Variants in MAP4K3 observed in about 807,000 individuals in gnomAD.
MAP4K3 encodes MAPK/ERK kinase kinase kinase 3.
In MAP4K3, 94 loss-of-function variants were observed where a neutral mutation model predicts 143.5. The ratio of observed to expected loss-of-function variants is 0.65; its 90% confidence interval spans 0.55 to 0.78. The LOEUF (loss-of-function observed/expected upper bound fraction) is 0.78. MAP4K3 is among the 30% of genes least tolerant of loss of function. The pLI, the probability that MAP4K3 is intolerant of heterozygous loss-of-function variation, is 0.00. For missense variants in MAP4K3, 1,077 were observed against 1,068.1 expected, an observed-to-expected ratio of 1.01 and a Z score of -0.12; for synonymous variants, 416 against 347.2, an observed-to-expected ratio of 1.20 and a Z score of -2.20.
chr2:39,323,691 T>C (rs990476819), intron 12 of MAP4K3: 2 of 152,004 alleles, frequency 1.3e-5, no homozygotes, highest in African/African-American at 4.8e-5. Context: ...TGCCAAGGCA[T>C]AGAAAAGATA....
In MAP4K3 at chr2:39,378,130, G is replaced by T; in HGVS notation, c.97-7C>A. 1 of 1,548,702 alleles carries T rather than the reference G, an allele frequency of 6.5e-7. No individual in the cohort carries two copies. The highest frequency in any genetic ancestry group is 1.2e-5 in the South Asian group (1 of 83,814). On this transcript the variant is annotated splice_region_variant and splice_polypyrimidine_tract_variant and intron_variant, in intron 1 of 33. Transcript: ENST00000263881. ...CAGTGTTAACATTCCGTGCCTAAAA[G>T]AAAGAGGAAAAAAGGATTATTGTGA...
At chr2:39,384,264 A>AGCCGGGCGTCGTGGCTCAT (rs1223185849) in intron 1 of MAP4K3, among the ~76,000 whole-genome samples, 3 of 151,986 alleles carry the variant, frequency 2.0e-5, no homozygotes, top group Non-Finnish European at 4.4e-5. Context: ...TGGTGGCTCA[A>AGCCGGGCGTCGTGGCTCAT]GCCGGGCGTC....
chr2:39,334,961 A>C (rs1683815021), intron 6 of MAP4K3, among the ~76,000 whole-genome samples: 1 of 152,188 alleles, frequency 6.6e-6, no homozygotes, highest in Admixed American at 6.6e-5. Context: ...ATCTGGGTGA[A>C]GTAAGGGTAC....
chr2:39,420,632 C>T (rs1292924461), intron 1 of MAP4K3, among the ~76,000 whole-genome samples: 1 of 151,402 alleles, frequency 6.6e-6, no homozygotes, highest in Middle Eastern at 3.2e-3. Flanking sequence ...AGGCTGGTCT[C>T]GAACTCCTGG....
At chr2:39,400,419 T>C (rs1226359468) in intron 1 of MAP4K3, among the ~76,000 whole-genome samples, 1 of 152,206 alleles carries the variant, frequency 6.6e-6, no homozygotes, top group Non-Finnish European at 1.5e-5. Context: ...AATTAACAAA[T>C]AATATTTATG....
chr2:39,307,967 T>C lies in MAP4K3; in HGVS notation c.1095A>G (p.Ile365Met), dbSNP rs1339278574. 5 of 1,593,528 alleles carry C rather than the reference T, an allele frequency of 3.1e-6. No homozygotes were observed. The highest frequency in any genetic ancestry group is 2.7e-5 in the African/African-American group (2 of 73,784). Residue 365 changes from isoleucine to methionine, a missense_variant, in exon 15 of 34, where the codon ATA becomes ATG. Coordinates refer to ENST00000263881, the MANE Select transcript of MAP4K3 (RefSeq NM_003618.4). ...CCAGATTAGATCTTGCAGTGTAGTA[T>C]ATTTCTTCTGAACTGTCCAAAAAAC... is the stretch of plus-strand genomic sequence containing the variant. ...SDGFLDSSEEIYYTARSNLDL... is the reference protein window; with the variant it reads ...SDGFLDSSEEMYYTARSNLDL...
chr2:39,288,207 G>T lies in MAP4K3; in HGVS notation c.1388C>A (p.Pro463His). ...DENQGTIKRCPMSGSPAKPSQ... is the reference protein window; with the variant it reads ...DENQGTIKRCHMSGSPAKPSQ... Reference sequence around the variant, plus strand: ...TGGCTTTGCTGGGCTCCCTGACATGGGACATCTCTTGATTGTTCCTTGATT... The same window carrying T: ...TGGCTTTGCTGGGCTCCCTGACATGTGACATCTCTTGATTGTTCCTTGATT... Residue 463 changes from proline to histidine, a missense_variant, in exon 20 of 34, where the codon CCC (proline) becomes CAC (histidine). Pro to His is a moderately conservative substitution (Grantham distance 77). This residue lies in a region of MAP4K3 where 864 missense variants were observed against 801.2 expected (regional missense o/e 1.08). Transcript: ENST00000263881. The T allele has an allele frequency of 6.2e-7, 1 of 1,613,954 alleles. No individual in the cohort carries two copies. The highest frequency in any genetic ancestry group is 8.5e-7 in the Non-Finnish European group (1 of 1,179,966).
intron 1 of MAP4K3, among the ~76,000 whole-genome samples, chr2:39,379,991 G>A (rs963707158): frequency 6.6e-6 from 1 of 152,006 alleles, no homozygotes; most frequent in African/African-American, 2.4e-5. Context: ...ACTAACTACT[G>A]ATGAGTGGTT....
chr2:39,305,346 A>G (rs1441790277), intron 15 of MAP4K3, among the ~76,000 whole-genome samples: 2 of 152,232 alleles, frequency 1.3e-5, no homozygotes, highest in African/African-American at 4.8e-5. Flanking sequence ...GAGGCAACAC[A>G]GTACAGTGGT....
intron 25 of MAP4K3, 25 bp downstream of exon 25, chr2:39,272,457 G>A: frequency 1.2e-6 from 2 of 1,601,024 alleles, no homozygotes; most frequent in Non-Finnish European, 1.7e-6. Flanking sequence ...ACAATTGTAA[G>A]GTATTTAAAA....
At position 39,337,533 on chromosome 2, in the gene MAP4K3, G is replaced by A; in HGVS notation, c.359C>T (p.Thr120Ile). 1.2e-6 allele frequency: 2 copies of A among 1,610,518 alleles called. No homozygotes were observed. Among genetic ancestry groups the A allele is most frequent in the Non-Finnish European group, 1.7e-6 (2 of 1,177,404 alleles). ...ELQIAYVSRE[T>I]LQGLYYLHSK... ...AATTAGCACTTGATTTACCTGCAGT[G>A]TTTCTCTGCTAACATATGCAATTTG... The change falls in exon 5 of 34, where the codon ACA becomes ATA. Residue 120 changes from threonine (T) to isoleucine (I), a missense_variant. By Grantham distance (89) the Thr-to-Ile change is moderately conservative (BLOSUM62 -1). This residue lies in a region of MAP4K3 where 213 missense variants were observed against 266.8 expected (regional missense o/e 0.80). Coordinates refer to ENST00000263881, the MANE Select transcript of MAP4K3 (RefSeq NM_003618.4).
intron 2 of MAP4K3, among the ~76,000 whole-genome samples, chr2:39,368,589 G>C (rs1665989773): frequency 6.6e-6 from 1 of 151,842 alleles, no homozygotes; most frequent in Non-Finnish European, 1.5e-5. Context: ...AGGATCGCTT[G>C]AGCCCAGGAG....
At chr2:39,399,127 T>C (rs1236893286) in intron 1 of MAP4K3, among the ~76,000 whole-genome samples, 1 of 151,650 alleles carries the variant, frequency 6.6e-6, no homozygotes, top group Non-Finnish European at 1.5e-5. Flanking sequence ...CACACGAAAT[T>C]CCCAATCTAT....
intron 13 of MAP4K3, among the ~76,000 whole-genome samples, chr2:39,311,983 A>T (rs1391124059): frequency 6.7e-6 from 1 of 149,450 alleles, no homozygotes; most frequent in African/African-American, 2.6e-5. Context: ...TTGAATGAAG[A>T]GCAAAAAATT....
intron 10 of MAP4K3, 29 bp downstream of exon 10, chr2:39,325,870 A>G (rs758741737): frequency 5.8e-6 from 9 of 1,560,050 alleles, no homozygotes; most frequent in African/African-American, 1.4e-5. Context: ...TCATCTCACC[A>G]TAAAAGTAAA....
At chr2:39,308,924 C>T (rs1404895796) in intron 14 of MAP4K3, among the ~76,000 whole-genome samples, 1 of 151,570 alleles carries the variant, frequency 6.6e-6, no homozygotes, top group South Asian at 2.1e-4. Flanking sequence ...AAAAATAACA[C>T]ATTTTAAAAA....
At chr2:39,395,106 C>A (rs942538106) in intron 1 of MAP4K3, among the ~76,000 whole-genome samples, 2 of 151,906 alleles carry the variant, frequency 1.3e-5, no homozygotes, top group African/African-American at 4.8e-5. Context: ...TTCTAATATC[C>A]AGTTTAATTA....
chr2:39,289,476 A>AC (rs1260763880), intron 19 of MAP4K3, among the ~76,000 whole-genome samples: 1 of 152,184 alleles, frequency 6.6e-6, no homozygotes, highest in Non-Finnish European at 1.5e-5. Context: ...AGCTCATTTT[A>AC]CCTTTAAAAA....
intron 1 of MAP4K3, among the ~76,000 whole-genome samples, chr2:39,385,894 A>G (rs947345976): frequency 6.6e-6 from 1 of 152,136 alleles, no homozygotes; most frequent in African/African-American, 2.4e-5. Flanking sequence ...GGCCTCCCAA[A>G]GTGCTGGGAT....
Sources: allele counts gnomAD v4.1 joint callset (sites outside exome capture counted in the v4.1 genomes callset), GRCh38; gene constraint gnomAD v4.1.1; regional missense constraint gnomAD v4.1.1; transcripts MANE v1.5; gene names NCBI Gene and HGNC (gene_info 2026-07-23, HGNC 2026-07-21).